The following REPS1 variants were observed in gnomAD, a reference collection of about 807,000 sequenced individuals.
REPS1 encodes ralBP1-associated Eps domain-containing protein 1.
In REPS1, 39 loss-of-function variants were observed where a neutral mutation model predicts 100.9. That is an observed-to-expected ratio of 0.39 (90% CI 0.30 to 0.50). The LOEUF is 0.50. Ranked by LOEUF, REPS1 falls within the 20% of genes least tolerant of loss-of-function variation. REPS1 has a pLI of 0.86. For synonymous variants in REPS1, 324 were observed against 340.3 expected, an observed-to-expected ratio of 0.95 and a Z score of 0.53; for missense variants, 821 against 968.5, an observed-to-expected ratio of 0.85 and a Z score of 2.02.
chr6:138,960,832 T>C (rs575633337), intron 1 of REPS1, among the ~76,000 whole-genome samples: 4 of 152,232 alleles, frequency 2.6e-5, no homozygotes, highest in Non-Finnish European at 5.9e-5. Flanking sequence ...TAAAATATTT[T>C]ACAAATCACA....
intron 10 of REPS1, among the ~76,000 whole-genome samples, chr6:138,922,863 GC>G (rs1780869105): frequency 6.6e-6 from 1 of 152,234 alleles, no homozygotes; most frequent in Admixed American, 6.5e-5. Context: ...CTAACACCAA[GC>G]CCTTGCTAGA....
In REPS1 at chr6:138,953,447, C is replaced by T. The variant is rs143025534; in HGVS notation, c.154-5534G>A. Among the ~76,000 whole-genome samples, 253 of 152,120 alleles carry T rather than the reference C, an allele frequency of 1.7e-3. 1 individual carries two copies. The highest frequency in any genetic ancestry group is 6.0e-3 in the African/African-American group (247 of 41,490). ...AAATATCTGGAAACTAACCATCCAA[C>T]AGAAGATTAATATCTAAAATATACA... is the stretch of plus-strand genomic sequence containing the variant. On this transcript the variant is annotated intron_variant, in intron 1 of 19. Transcript: ENST00000450536.
At chr6:138,920,774 C>T (rs1050845069) in intron 11 of REPS1, among the ~76,000 whole-genome samples, 2 of 152,036 alleles carry the variant, frequency 1.3e-5, no homozygotes, top group East Asian at 1.9e-4. Flanking sequence ...ATATTTTAAA[C>T]GTAAATTTAC....
chr6:138,974,199 C>T (rs994123047), intron 1 of REPS1, among the ~76,000 whole-genome samples: 5 of 152,144 alleles, frequency 3.3e-5, no homozygotes, highest in Admixed American at 2.0e-4. Context: ...ATCCCCTGAA[C>T]GAATGGTACA....
chr6:138,934,108 T>C (rs1307311384), intron 8 of REPS1: 2 of 236,446 alleles, frequency 8.5e-6, no homozygotes, highest in Non-Finnish European at 8.9e-6. Flanking sequence ...AAATAAACTG[T>C]ACCTCCTTCA....
intron 17 of REPS1, among the ~76,000 whole-genome samples, chr6:138,909,148 A>C (rs1345696430): frequency 6.6e-6 from 1 of 152,226 alleles, no homozygotes; most frequent in South Asian, 2.1e-4. Context: ...CAGTCTCCAG[A>C]AATATCTATG....
intron 1 of REPS1, among the ~76,000 whole-genome samples, chr6:138,949,361 C>G (rs530514176): frequency 1.3e-5 from 2 of 152,288 alleles, no homozygotes; most frequent in Non-Finnish European, 2.9e-5. Context: ...ATTTGCATTT[C>G]TTTTCCTGAC....
At chr6:138,970,737 C>A (rs564205622) in intron 1 of REPS1, among the ~76,000 whole-genome samples, 1 of 152,244 alleles carries the variant, frequency 6.6e-6, no homozygotes, top group South Asian at 2.1e-4. Flanking sequence ...GAACCAAGAT[C>A]GTGCCATTGC....
At chr6:138,967,157 A>G (rs916190498) in intron 1 of REPS1, among the ~76,000 whole-genome samples, 1 of 152,252 alleles carries the variant, frequency 6.6e-6, no homozygotes, top group African/African-American at 2.4e-5. Context: ...ATCATGGGAT[A>G]ATACAACAAG....
chr6:138,983,430 G>C (rs1033493259), intron 1 of REPS1, among the ~76,000 whole-genome samples: 1 of 152,028 alleles, frequency 6.6e-6, no homozygotes, highest in Non-Finnish European at 1.5e-5. Flanking sequence ...ACTCCAGCCT[G>C]GGCAACAGAG....
intron 13 of REPS1, among the ~76,000 whole-genome samples, chr6:138,917,108 C>T (rs1019070677): frequency 6.6e-6 from 1 of 152,164 alleles, no homozygotes; most frequent in Non-Finnish European, 1.5e-5. Context: ...CTAGCCTCCT[C>T]CACCCTATCC....
At chr6:138,984,084 T>C (rs1326240378) in intron 1 of REPS1, among the ~76,000 whole-genome samples, 1 of 150,272 alleles carries the variant, frequency 6.7e-6, no homozygotes, top group Non-Finnish European at 1.5e-5. Context: ...CTCTCTTTTT[T>C]TTTTTTTTTT....
intron 1 of REPS1, among the ~76,000 whole-genome samples, chr6:138,987,090 G>C (rs1205330965): frequency 6.6e-6 from 1 of 151,930 alleles, no homozygotes; most frequent in Admixed American, 6.6e-5. Flanking sequence ...TAAATCTATA[G>C]AACTCACTTT....
chr6:138,917,860 C>G (rs111897871), intron 12 of REPS1, among the ~76,000 whole-genome samples: 9 of 152,112 alleles, frequency 5.9e-5, no homozygotes. Context: ...ATAATGAATA[C>G]TTAATGATGC....
chr6:138,926,448 A>C lies in REPS1; in HGVS notation c.1291T>G (p.Ser431Ala). The C allele has an allele frequency of 6.2e-7, 1 of 1,613,084 alleles. No individual in the cohort carries two copies. Among genetic ancestry groups the C allele is most frequent in the Non-Finnish European group, 8.5e-7 (1 of 1,179,476 alleles). ...GAATCAAATTGGGTCAGAGTTTGTG[A>C]GCTTGAAGAGCGTTCACTAAATGTC... ...WETFSERSSSSQTLTQFDSNI... is the reference protein window; with the variant it reads ...WETFSERSSSAQTLTQFDSNI... The change falls in exon 10 of 20, where the codon TCA (serine) becomes GCA (alanine). Residue 431 changes from serine (S) to alanine (A), a missense_variant. By Grantham distance (99) the Ser-to-Ala change is moderately conservative. This residue lies in a region of REPS1 where 757 missense variants were observed against 866.4 expected (regional missense o/e 0.87). Transcript: ENST00000450536.
At chr6:138,914,485 T>G (rs1334481065) in intron 15 of REPS1, among the ~76,000 whole-genome samples, 1 of 152,260 alleles carries the variant, frequency 6.6e-6, no homozygotes, top group African/African-American at 2.4e-5. Flanking sequence ...CATTATCATT[T>G]GTTTCACTTT....
chr6:138,926,299 A>T, intron 10 of REPS1, 102 bp downstream of exon 10: 1 of 836,486 alleles, frequency 1.2e-6, no homozygotes, highest in Non-Finnish European at 2.0e-6. Flanking sequence ...ACTTCCCTCT[A>T]AGCACTCCAC....
chr6:138,911,006 C>G lies in REPS1; in HGVS notation c.2067+270G>C, dbSNP rs368724122. 2.7e-5 allele frequency: 7 copies of G among 254,756 alleles called. No individual in the cohort carries two copies. The Middle Eastern group carries it at 3.7e-3, about 135-fold the overall frequency. 15.8% of individuals were successfully genotyped at this position (254,756 alleles called of 1,614,324 possible). ...ATATTGAAGACTACAATAAAAGAAA[C>G]TGAATTTCACCTATAAAGAAGTTCT... On this transcript the variant is annotated intron_variant, in intron 17 of 19. Coordinates refer to ENST00000450536, the MANE Select transcript of REPS1 (RefSeq NM_001286611.2).
At chr6:138,970,665 T>C (rs931260657) in intron 1 of REPS1, among the ~76,000 whole-genome samples, 1 of 152,108 alleles carries the variant, frequency 6.6e-6, no homozygotes, top group African/African-American at 2.4e-5. Flanking sequence ...ACACCTGTAG[T>C]CCCAGCTACT....
Sources: allele counts gnomAD v4.1 joint callset (sites outside exome capture counted in the v4.1 genomes callset), GRCh38; gene constraint gnomAD v4.1.1; regional missense constraint gnomAD v4.1.1; transcripts MANE v1.5; gene names NCBI Gene and HGNC (gene_info 2026-07-23, HGNC 2026-07-21).